Variants in IGF2R observed in about 807,000 individuals in gnomAD.
IGF2R encodes the protein cation-independent mannose-6-phosphate receptor.
Under a neutral mutation model 270.6 loss-of-function variants are expected in IGF2R, and 91 were observed. The ratio of observed to expected loss-of-function variants is 0.34; its 90% CI spans 0.28 to 0.40. The LOEUF (loss-of-function observed/expected upper bound fraction) is 0.40. Among genes scored for constraint, IGF2R ranks in the 10% least tolerant of loss-of-function variants. The pLI is 1.00. For synonymous variants in IGF2R, 1,316 were observed against 1,258.9 expected, an observed-to-expected ratio of 1.05 and a Z score of -0.96; for missense variants, 2,805 against 3,188.3, an observed-to-expected ratio of 0.88 and a Z score of 2.90.
intron 44 of IGF2R, chr6:160,093,942 G>A (rs982878796): frequency 1.1e-5 from 8 of 699,706 alleles, no homozygotes; most frequent in African/African-American, 1.1e-4. Context: ...ACTTTGCTAA[G>A]GTTTTGGAGA....
intron 32 of IGF2R, 93 bp from the exon 33 acceptor site, chr6:160,072,672 C>G (rs1285788138): frequency 7.0e-7 from 1 of 1,419,720 alleles, no homozygotes; most frequent in East Asian, 2.3e-5. Context: ...AGTCCCGATG[C>G]TGACATAATC....
At chr6:160,087,981 C>CT (rs1779131525) in intron 41 of IGF2R, 52 bp from the exon 42 acceptor site, 1 of 1,236,744 alleles carries the variant, frequency 8.1e-7, no homozygotes, top group Non-Finnish European at 1.2e-6. Flanking sequence ...CTGCCTGAGG[C>CT]TTTTTATAAT....
chr6:160,046,220 A>G (rs183600402), intron 14 of IGF2R, among the ~76,000 whole-genome samples: 28 of 152,328 alleles, frequency 1.8e-4, no homozygotes, highest in African/African-American at 6.5e-4. Flanking sequence ...TACTTTGAAC[A>G]TGCTGTTGTT....
rs1366625687 is a variant in IGF2R at position 160,004,825 on chromosome 6, C to G, written c.290-4185C>G. 1 of 152,442 alleles carries G rather than the reference C, an allele frequency of 6.6e-6. No individual in the cohort carries two copies. Among genetic ancestry groups the G allele is most frequent in the African/African-American group, 2.4e-5 (1 of 41,406 alleles). 9.4% of individuals were successfully genotyped at this position (152,442 alleles called of 1,614,324 possible). On this transcript the variant is annotated intron_variant, in intron 2 of 47. Coordinates refer to ENST00000356956, the MANE Select transcript of IGF2R (RefSeq NM_000876.4). The surrounding 1 kb of genome is among the most constrained non-coding windows in gnomAD (Gnocchi z 5.2). ...CGCCTGCCTGTGCACCAGGGAAAGCCAAACACCAAAGCGCAGGGTTTTTGC... is the reference window on the plus strand; with the variant it reads ...CGCCTGCCTGTGCACCAGGGAAAGCGAAACACCAAAGCGCAGGGTTTTTGC...
chr6:160,087,681 G>T (rs1177833569), intron 41 of IGF2R, among the ~76,000 whole-genome samples: 8 of 151,970 alleles, frequency 5.3e-5, no homozygotes. Flanking sequence ...TTTTGTTTTT[G>T]TTTTTGAGAT....
intron 31 of IGF2R, among the ~76,000 whole-genome samples, chr6:160,071,709 A>G (rs1778742009): frequency 6.6e-6 from 1 of 152,154 alleles, no homozygotes; most frequent in African/African-American, 2.4e-5. Context: ...ACTTACCTGC[A>G]GGGGAAGCCC....
At position 160,044,588 on chromosome 6, in the gene IGF2R, T is replaced by A. The variant is rs1423961979; in HGVS notation, c.1696T>A (p.Tyr566Asn). Reference sequence around the variant, plus strand: ...AGAGAAAGGAAACATTCAACTCTCTTATTCAGATGGTGATGATTGTGGTCA... The same window carrying A: ...AGAGAAAGGAAACATTCAACTCTCTAATTCAGATGGTGATGATTGTGGTCA... Reference protein sequence around the residue: ...MKEKGNIQLSYSDGDDCGHGK... With the variant: ...MKEKGNIQLSNSDGDDCGHGK... The change falls in exon 13 of 48, where the codon TAT becomes AAT. Residue 566 changes from tyrosine to asparagine, a missense_variant. Tyr to Asn is a moderately radical substitution (Grantham distance 143). Transcript: ENST00000356956. 1.2e-6 allele frequency: 2 copies of A among 1,609,514 alleles called. No homozygotes were observed.
chr6:160,014,767 T>C (rs1188470299), intron 4 of IGF2R, among the ~76,000 whole-genome samples: 1 of 152,226 alleles, frequency 6.6e-6, no homozygotes, highest in Non-Finnish European at 1.5e-5. Flanking sequence ...AGCTTTAGAT[T>C]TGCAGGATAA....
At chr6:160,098,055 TA>T (rs1166020940) in intron 45 of IGF2R, among the ~76,000 whole-genome samples, 1 of 152,176 alleles carries the variant, frequency 6.6e-6, no homozygotes, top group African/African-American at 2.4e-5. Flanking sequence ...TGAATTTTTA[TA>T]AAAGATAAAA....
intron 29 of IGF2R, among the ~76,000 whole-genome samples, chr6:160,066,160 G>A (rs903382891): frequency 6.6e-6 from 1 of 151,604 alleles, no homozygotes; most frequent in Non-Finnish European, 1.5e-5. Flanking sequence ...GATTACAGGC[G>A]CCCGCCACCA....
At chr6:160,032,165 C>T (rs1242244533) in intron 7 of IGF2R, among the ~76,000 whole-genome samples, 1 of 152,170 alleles carries the variant, frequency 6.6e-6, no homozygotes, top group Non-Finnish European at 1.5e-5. Flanking sequence ...GTGAATGGAC[C>T]ATGCACCCTG....
chr6:160,100,344 A>G (rs992286097), intron 45 of IGF2R, among the ~76,000 whole-genome samples: 8 of 152,170 alleles, frequency 5.3e-5, no homozygotes, highest in Non-Finnish European at 1.2e-4. Context: ...AGTTATGTTA[A>G]TATAAGATAA....
At chr6:159,993,985 ATTTTTTTTTTTTT>A (rs59369382) in intron 2 of IGF2R, among the ~76,000 whole-genome samples, 6 of 61,030 alleles carry the variant, frequency 9.8e-5, no homozygotes, top group Non-Finnish European at 1.5e-4. Flanking sequence ...CTCCAACTTG[ATTTTTTTTTTTTT>A]TTTTTTTTTT....
chr6:160,086,687 G>A (rs1483910058), intron 41 of IGF2R, among the ~76,000 whole-genome samples: 1 of 152,182 alleles, frequency 6.6e-6, no homozygotes, highest in Non-Finnish European at 1.5e-5. Flanking sequence ...TTACACAGAA[G>A]CCCAATATTT....
chr6:160,023,535 A>G (rs1777483812), intron 4 of IGF2R, among the ~76,000 whole-genome samples: 1 of 152,198 alleles, frequency 6.6e-6, no homozygotes, highest in South Asian at 2.1e-4. Context: ...CTTCACATAC[A>G]TTAGTTCACT....
chr6:160,052,425 A>G (rs1190410814), intron 19 of IGF2R, among the ~76,000 whole-genome samples: 1 of 152,208 alleles, frequency 6.6e-6, no homozygotes, highest in Non-Finnish European at 1.5e-5. Flanking sequence ...TGCTCAAGGA[A>G]ATAAAAGAGG....
Position 160,048,396 on chromosome 6 carries a change from C to T in IGF2R, c.2367C>T (p.Gly789=). 5 of 1,614,176 alleles carry T rather than the reference C, an allele frequency of 3.1e-6. No homozygotes were observed. Among genetic ancestry groups the T allele is most frequent in the Non-Finnish European group, 3.4e-6 (4 of 1,180,024 alleles). ...DLSSLAKSEG[G]LGGNWYAMDN... Reference sequence around the variant, plus strand: ...TTAGTCTGGCAAAATCTGAAGGTGGCCTTGGAGGAAACTGGTATGCCATGG... The same window carrying T: ...TTAGTCTGGCAAAATCTGAAGGTGGTCTTGGAGGAAACTGGTATGCCATGG... Residue 789 remains glycine, a synonymous_variant, in exon 18 of 48, where the codon GGC becomes GGT. Coordinates refer to ENST00000356956, the MANE Select transcript of IGF2R (RefSeq NM_000876.4).
intron 11 of IGF2R, among the ~76,000 whole-genome samples, chr6:160,042,469 C>T (rs1284707128): frequency 1.3e-5 from 2 of 152,198 alleles, no homozygotes; most frequent in African/African-American, 4.8e-5. Context: ...ACTCCTTCAG[C>T]GACTGTTCGC....
chr6:160,045,441 T>G (rs1778046985), intron 13 of IGF2R, among the ~76,000 whole-genome samples: 1 of 152,180 alleles, frequency 6.6e-6, no homozygotes, highest in South Asian at 2.1e-4. Flanking sequence ...GTGACATTGT[T>G]GTGTAATACC....
Sources: allele counts gnomAD v4.1 joint callset (sites outside exome capture counted in the v4.1 genomes callset), GRCh38; gene constraint gnomAD v4.1.1; non-coding constraint Gnocchi (gnomAD v3.1); transcripts MANE v1.5; gene names NCBI Gene and HGNC (gene_info 2026-07-23, HGNC 2026-07-21).